KLHL23: variants seen among roughly 807,000 people sequenced by gnomAD.
KLHL23 encodes kelch-like protein 23.
In KLHL23, 33 loss-of-function variants were observed where a neutral mutation model predicts 48.9. The observed-to-expected ratio is 0.67, with a 90% CI of 0.51 to 0.90. KLHL23 has a LOEUF of 0.90. Ranked by LOEUF, KLHL23 falls within the 40% of genes least tolerant of loss-of-function variation. KLHL23 has a pLI of 0.00. For synonymous variants in KLHL23, 234 were observed against 231.6 expected, an observed-to-expected ratio of 1.01 and a Z score of -0.09; for missense variants, 608 against 669.6, an observed-to-expected ratio of 0.91 and a Z score of 1.02.
chr2:169,741,257 T>C (rs1327239030), intron 2 of KLHL23, 128 bp from the exon 3 acceptor site: 4 of 1,250,472 alleles, frequency 3.2e-6, no homozygotes, highest in African/African-American at 1.5e-5. Flanking sequence ...TTGTCCCTTA[T>C]AGCACTTAGC....
At position 169,751,559 on chromosome 2, in the gene KLHL23, T is replaced by A. The variant is rs2105664668; in HGVS notation, c.*1827T>A. The A allele has an allele frequency of 6.6e-6, 1 of 152,328 alleles. No homozygotes were observed. Among genetic ancestry groups the A allele is most frequent in the Non-Finnish European group, 1.5e-5 (1 of 68,030 alleles). 9.4% of individuals were successfully genotyped at this position (152,328 alleles called of 1,614,324 possible). A position where few individuals can be genotyped will look rare whatever the true frequency, so the allele number is the denominator to read the frequency against. ...CATGAAGACATTTATGTCTGCATTC[T>A]TTATAATAACAAAAATTGGGGAAAA... is the stretch of plus-strand genomic sequence containing the variant. On this transcript the variant is annotated 3_prime_UTR_variant, in exon 4 of 4. Coordinates refer to ENST00000392647, the MANE Select transcript of KLHL23 (RefSeq NM_144711.6).
At chr2:169,749,186 A>G (rs1194996312) in intron 3 of KLHL23, among the ~76,000 whole-genome samples, 1 of 152,208 alleles carries the variant, frequency 6.6e-6, no homozygotes, top group Admixed American at 6.5e-5. Context: ...CTACAGAGCC[A>G]GCTAAGGACA....
At position 169,739,032 on chromosome 2, in the gene KLHL23, CCTT is replaced by C. The variant is rs373131257; in HGVS notation, c.1214-2345_1214-2343del. 8.0e-3 allele frequency among the ~76,000 whole-genome samples: 857 copies of C among 107,326 alleles called. 11 individuals are homozygous for C. The highest frequency in any genetic ancestry group is 0.027 in the East Asian group (76 of 2,772). 70.4% of individuals were successfully genotyped at this position (107,326 alleles called of 152,430 possible). On this transcript the variant is annotated intron_variant, in intron 2 of 3. Coordinates refer to ENST00000392647, the MANE Select transcript of KLHL23 (RefSeq NM_144711.6). ...CCCCCATCTCCTCTCCCTCCTTCTG[CCTT>C]CTTCTTCCTCCTCCTCCTTCCCCTC...
rs573541592 is a variant in KLHL23, at chr2:169,734,890, A to G, written c.-2-123A>G. On this transcript the variant is annotated intron_variant, in intron 1 of 3. Coordinates refer to ENST00000392647, the MANE Select transcript of KLHL23 (RefSeq NM_144711.6). ...AGTCCATCCACATTTTGCATTTATT[A>G]TTTAGATGCTGAACTTAGTCCAGTT... 3.7e-5 allele frequency: 48 copies of G among 1,287,536 alleles called. 1 individual carries two copies. In the South Asian group the frequency reaches 8.2e-4, roughly 22 times the overall value. The allele number at this position is 1,287,536 out of a possible 1,614,324, so 79.8% of individuals were successfully genotyped here.
intron 2 of KLHL23, among the ~76,000 whole-genome samples, chr2:169,738,991 CT>C (rs375707024): frequency 9.1e-5 from 1 of 10,936 alleles, no homozygotes; most frequent in Non-Finnish European, 1.7e-4. Context: ...CCCCCTCCCC[CT>C]CCTCCCCTTC....
Position 169,736,241 on chromosome 2 carries a change from A to T in KLHL23, c.1213+14A>T. On this transcript the variant is annotated intron_variant, in intron 2 of 3. Coordinates refer to ENST00000392647, the MANE Select transcript of KLHL23 (RefSeq NM_144711.6). ...ACATGATTAAAGGTAAGTGGAGATT[A>T]TGTTTATTTTGTATTTTTTAGATGT... The T allele has an allele frequency of 6.3e-7, 1 of 1,580,112 alleles. No homozygotes were observed. Among genetic ancestry groups the T allele is most frequent in the East Asian group, 2.2e-5 (1 of 44,610 alleles).
rs1688951815 is a variant in KLHL23 at position 169,750,617 on chromosome 2, C to G, written c.*885C>G. ...TGGATTTACTTTGTCTAGTTTTTTC[C>G]TTTATAGTGTAATTTATTGTTACTC... On this transcript the variant is annotated 3_prime_UTR_variant, in exon 4 of 4. Coordinates refer to ENST00000392647, the MANE Select transcript of KLHL23 (RefSeq NM_144711.6). 6.6e-6 allele frequency: 1 copy of G among 151,952 alleles called. No individual in the cohort carries two copies. The highest frequency in any genetic ancestry group is 2.1e-4 in the South Asian group (1 of 4,830). The allele number at this position is 151,952 out of a possible 1,614,324, so 9.4% of individuals were successfully genotyped here. A position where few individuals can be genotyped will look rare whatever the true frequency, so the allele number is the denominator to read the frequency against.
chr2:169,751,150 C>G lies in KLHL23; in HGVS notation c.*1418C>G, dbSNP rs1298988818. ...GCTGGAGCCTCTGGGCCAGAACCAC[C>G]TTTGTCCATTTTCCTCAGTGTGCCT... On this transcript the variant is annotated 3_prime_UTR_variant, in exon 4 of 4. Transcript: ENST00000392647. The G allele has an allele frequency of 6.6e-6, 1 of 152,220 alleles. No homozygotes were observed. The highest frequency in any genetic ancestry group is 2.4e-5 in the African/African-American group (1 of 41,440). The allele number at this position is 152,220 out of a possible 1,614,324, so 9.4% of individuals were successfully genotyped here. A position where few individuals can be genotyped will look rare whatever the true frequency, so the allele number is the denominator to read the frequency against.
intron 2 of KLHL23, among the ~76,000 whole-genome samples, chr2:169,736,540 GA>G (rs1412134472): frequency 1.3e-5 from 2 of 152,160 alleles, no homozygotes; most frequent in African/African-American, 4.8e-5. Context: ...AAAATACGCT[GA>G]TCAGCTCTCA....
At chr2:169,748,781 C>G (rs929815871) in intron 3 of KLHL23, among the ~76,000 whole-genome samples, 5 of 139,132 alleles carry the variant, frequency 3.6e-5, no homozygotes, top group Non-Finnish European at 6.6e-5. Context: ...GCCCCCCCCC[C>G]CCCCCATATA....
chr2:169,741,527 T>C lies in KLHL23; in HGVS notation c.1356T>C (p.Ser452=). 6.2e-7 allele frequency: 1 copy of C among 1,613,110 alleles called. No homozygotes were observed. The highest frequency in any genetic ancestry group is 8.5e-7 in the Non-Finnish European group (1 of 1,179,416). Residue 452 remains serine, a synonymous_variant, in exon 3 of 4, where the codon AGT becomes AGC. Coordinates refer to ENST00000392647, the MANE Select transcript of KLHL23 (RefSeq NM_144711.6). ...DINEWSLITS[S]PHPEYGLCSV... ...ACGAATGGAGCCTCATCACCTCCAGTCCACATCCAGGTAACAAAAATACTG... is the reference window on the plus strand; with the variant it reads ...ACGAATGGAGCCTCATCACCTCCAGCCCACATCCAGGTAACAAAAATACTG...
intron 2 of KLHL23, among the ~76,000 whole-genome samples, chr2:169,737,560 A>T (rs1165963757): frequency 6.6e-6 from 1 of 152,186 alleles, no homozygotes; most frequent in African/African-American, 2.4e-5. Context: ...TCTGTTTTTT[A>T]AGGATGATAT....
Position 169,735,320 on chromosome 2 carries a change from A to C in KLHL23, c.306A>C (p.Ile102=), listed in dbSNP as rs762477942. The change falls in exon 2 of 4, where the codon ATA becomes ATC. Residue 102 remains isoleucine, a synonymous_variant. Coordinates refer to ENST00000392647, the MANE Select transcript of KLHL23 (RefSeq NM_144711.6). The surrounding 1 kb of genome is among the most constrained non-coding windows in gnomAD (Gnocchi z 4.5). Reference sequence around the variant, plus strand: ...ATGCATACACTTCCCAAATTGAAATAACTAAAAGAAATGTTCAAAGCCTGC... The same window carrying C: ...ATGCATACACTTCCCAAATTGAAATCACTAAAAGAAATGTTCAAAGCCTGC... ...VNYAYTSQIE[I]TKRNVQSLLE... The C allele has an allele frequency of 1.9e-6, 3 of 1,613,612 alleles. No individual in the cohort carries two copies. The South Asian group carries it at 3.3e-5, about 18-fold the overall frequency.
intron 3 of KLHL23, among the ~76,000 whole-genome samples, chr2:169,745,338 C>T (rs1293019238): frequency 6.6e-6 from 1 of 151,486 alleles, no homozygotes; most frequent in Non-Finnish European, 1.5e-5. Context: ...TGGTGAAACC[C>T]CATCTCTACT....
At chr2:169,749,196 A>G (rs925249018) in intron 3 of KLHL23, among the ~76,000 whole-genome samples, 5 of 152,202 alleles carry the variant, frequency 3.3e-5, no homozygotes, top group African/African-American at 1.2e-4. Context: ...AGCTAAGGAC[A>G]AGCTGAAGGA....
chr2:169,741,599 G>A, intron 3 of KLHL23, 62 bp downstream of exon 3: 3 of 1,490,018 alleles, frequency 2.0e-6, no homozygotes, highest in South Asian at 1.4e-5. Context: ...ATAAAGGATG[G>A]CTAAAAATGG....
At position 169,751,176 on chromosome 2, in the gene KLHL23, A is replaced by G. The variant is rs766053377; in HGVS notation, c.*1444A>G. Reference sequence around the variant, plus strand: ...TTTGTCCATTTTCCTCAGTGTGCCTACAGCATCGCTTTCCATGTGTGCCAT... The same window carrying G: ...TTTGTCCATTTTCCTCAGTGTGCCTGCAGCATCGCTTTCCATGTGTGCCAT... On this transcript the variant is annotated 3_prime_UTR_variant, in exon 4 of 4. Transcript: ENST00000392647. 6.6e-6 allele frequency: 1 copy of G among 152,238 alleles called. No individual in the cohort carries two copies. The highest frequency in any genetic ancestry group is 1.5e-5 in the Non-Finnish European group (1 of 68,050). The allele number at this position is 152,238 out of a possible 1,614,324, so 9.4% of individuals were successfully genotyped here.
At position 169,749,408 on chromosome 2, in the gene KLHL23, T is replaced by C. The variant is rs769260273; in HGVS notation, c.1367-14T>C. 6.4e-7 allele frequency: 1 copy of C among 1,562,378 alleles called. No individual in the cohort carries two copies. The highest frequency in any genetic ancestry group is 1.2e-5 in the South Asian group (1 of 83,852). ...CTTTAAAAAAATGCTGTTTTCTTTT[T>C]TTCTTTTTAAAAGAATATGGATTGT... On this transcript the variant is annotated splice_polypyrimidine_tract_variant and intron_variant, in intron 3 of 3. Transcript: ENST00000392647.
At chr2:169,745,963 A>AT (rs1404271041) in intron 3 of KLHL23, among the ~76,000 whole-genome samples, 1 of 152,158 alleles carries the variant, frequency 6.6e-6, no homozygotes, top group Non-Finnish European at 1.5e-5. Context: ...AGATCTGGGG[A>AT]TTGTTTGCTT....
Sources: allele counts gnomAD v4.1 joint callset (sites outside exome capture counted in the v4.1 genomes callset), GRCh38; gene constraint gnomAD v4.1.1; non-coding constraint Gnocchi (gnomAD v3.1); transcripts MANE v1.5; gene names NCBI Gene and HGNC (gene_info 2026-07-23, HGNC 2026-07-21).